The following KIF14 variants were observed in gnomAD, a reference collection of about 807,000 sequenced individuals.
KIF14 encodes kinesin family member 14, also known as kinesin-like protein KIF14.
KIF14 carries 98 observed loss-of-function variants against 176.2 expected under a neutral mutation model. The ratio of observed to expected loss-of-function variants is 0.56; its 90% CI spans 0.47 to 0.66. The LOEUF is 0.66. KIF14 is among the 30% of genes least tolerant of loss of function. KIF14 has a pLI of 0.00. For missense variants in KIF14, 1,751 were observed against 1,920.4 expected, an observed-to-expected ratio of 0.91 and a Z score of 1.65; for synonymous variants, 566 against 632.2, an observed-to-expected ratio of 0.90 and a Z score of 1.57.
chr1:200,607,483 CA>C (rs1184008251), intron 5 of KIF14, among the ~76,000 whole-genome samples: 42 of 152,280 alleles, frequency 2.8e-4, no homozygotes, highest in African/African-American at 9.6e-4. Context: ...TTAAATCTTG[CA>C]GTAGCTATGA....
chr1:200,569,051 G>C (rs181342385), intron 23 of KIF14, among the ~76,000 whole-genome samples: 1 of 150,944 alleles, frequency 6.6e-6, no homozygotes, highest in African/African-American at 2.4e-5. Flanking sequence ...TCAGCCTCTC[G>C]AGTAGCTGGG....
intron 27 of KIF14, among the ~76,000 whole-genome samples, chr1:200,558,942 A>C (rs1441840325): frequency 6.6e-6 from 1 of 152,232 alleles, no homozygotes; most frequent in Non-Finnish European, 1.5e-5. Context: ...AAAAATATTT[A>C]GTTCAAGATA....
At position 200,575,666 on chromosome 1, in the gene KIF14, T is replaced by C. The variant is rs766533044; in HGVS notation, c.3491A>G (p.Asp1164Gly). The change falls in exon 22 of 30, where the codon GAT (aspartate) becomes GGT (glycine). Residue 1164 changes from aspartate (D) to glycine (G), a missense_variant. Coordinates refer to ENST00000367350, the MANE Select transcript of KIF14 (RefSeq NM_014875.3). Reference sequence around the variant, plus strand: ...TTCATCTTCAGGATCACAAAAGGCATCTTCACCCCTGTTACTACCATTACT... The same window carrying C: ...TTCATCTTCAGGATCACAAAAGGCACCTTCACCCCTGTTACTACCATTACT... ...YESNGSNRGE[D>G]AFCDPEDEWE... 33 of 1,588,828 alleles carry C rather than the reference T, an allele frequency of 2.1e-5. No individual in the cohort carries two copies. Among genetic ancestry groups the C allele is most frequent in the Non-Finnish European group, 2.8e-5 (33 of 1,163,512 alleles).
intron 4 of KIF14, among the ~76,000 whole-genome samples, chr1:200,609,470 G>A (rs1660047246): frequency 6.6e-6 from 1 of 152,140 alleles, no homozygotes; most frequent in African/African-American, 2.4e-5. Flanking sequence ...CCAACATGGT[G>A]AAACCACACC....
chr1:200,569,265 T>C (rs1657647059), intron 23 of KIF14, among the ~76,000 whole-genome samples: 1 of 152,178 alleles, frequency 6.6e-6, no homozygotes, highest in Non-Finnish European at 1.5e-5. Context: ...TTACAGGTAG[T>C]TACACATATA....
Position 200,553,539 on chromosome 1 carries a change from T to C in KIF14, c.4796A>G (p.Gln1599Arg). ...TTGTTGGTGTTCTTCTTTGGTATTT[T>C]GATTATAAGTTTCCCAGGGTTTCAA... ...DLLKPWETYN[Q>R]NTKEEHQQSK... The change falls in exon 30 of 30, where the codon CAA becomes CGA. Residue 1599 changes from glutamine (Q) to arginine (R), a missense_variant. Gln to Arg is a conservative substitution (Grantham distance 43). Transcript: ENST00000367350. 6.2e-7 allele frequency: 1 copy of C among 1,614,128 alleles called. No individual in the cohort carries two copies. Among genetic ancestry groups the C allele is most frequent in the Non-Finnish European group, 8.5e-7 (1 of 1,180,022 alleles).
chr1:200,575,522 TACACACACAC>T (rs35571944), intron 22 of KIF14, 59 bp downstream of exon 22: 11 of 625,860 alleles, frequency 1.8e-5, no homozygotes, highest in South Asian at 1.7e-4. Flanking sequence ...ATATACAATT[TACACACACAC>T]ACACACACAC....
At chr1:200,588,251 T>TG (rs1197874112) in intron 18 of KIF14, among the ~76,000 whole-genome samples, 61 of 147,414 alleles carry the variant, frequency 4.1e-4, no homozygotes, top group African/African-American at 1.5e-3. Flanking sequence ...TTGTTTTGTT[T>TG]TTTTTTTTTT....
Position 200,618,311 on chromosome 1 carries a change from A to G in KIF14, c.413T>C (p.Ile138Thr). ...DSAEKWKTAEIDSVKMTLNVG... is the reference protein window; with the variant it reads ...DSAEKWKTAETDSVKMTLNVG... ...ATTCAGTGTCATTTTGACAGAATCT[A>G]TTTCAGCTGTTTTCCACTTTTCTGC... The change falls in exon 2 of 30, where the codon ATA (isoleucine) becomes ACA (threonine). Residue 138 changes from isoleucine to threonine, a missense_variant. Ile to Thr is a moderately conservative substitution (Grantham distance 89). Transcript: ENST00000367350. 6.2e-7 allele frequency: 1 copy of G among 1,613,856 alleles called. No homozygotes were observed. The highest frequency in any genetic ancestry group is 2.2e-5 in the East Asian group (1 of 44,882).
rs765935986 is a variant in KIF14, at chr1:200,590,118, C to G, written c.2961+7G>C. 6.3e-7 allele frequency: 1 copy of G among 1,596,690 alleles called. No homozygotes were observed. Among genetic ancestry groups the G allele is most frequent in the Non-Finnish European group, 8.5e-7 (1 of 1,176,028 alleles). ...AAAAAAAAAATAAAACTAATTCTGC[C>G]TTTTACCAGTTCTGCTTCCAGTGCT... On this transcript the variant is annotated splice_region_variant and intron_variant, in intron 17 of 29. Transcript: ENST00000367350.
chr1:200,567,292 A>G (rs1657516068), intron 23 of KIF14, among the ~76,000 whole-genome samples: 1 of 152,048 alleles, frequency 6.6e-6, no homozygotes, highest in African/African-American at 2.4e-5. Context: ...CTATAATCCC[A>G]GCATTTTGGG....
intron 16 of KIF14, 23 bp from the exon 17 acceptor site, chr1:200,590,295 T>C (rs753143251): frequency 1.1e-4 from 178 of 1,601,372 alleles, no homozygotes; most frequent in South Asian, 3.6e-4. Context: ...AAGATGTTTA[T>C]AGGGTACATG....
intron 14 of KIF14, among the ~76,000 whole-genome samples, chr1:200,594,296 G>T (rs1659210034): frequency 6.7e-6 from 1 of 148,516 alleles, no homozygotes; most frequent in South Asian, 2.1e-4. Context: ...ATCCACCTGT[G>T]GTGGGAACAT....
chr1:200,610,779 A>G (rs929990252), intron 4 of KIF14, among the ~76,000 whole-genome samples: 4 of 152,196 alleles, frequency 2.6e-5, no homozygotes, highest in Non-Finnish European at 5.9e-5. Context: ...TGAGATGACT[A>G]TAAATATGAC....
rs1659857497 is a variant in KIF14 at position 200,605,905 on chromosome 1, G to A, written c.1608-11C>T. ...GAACTGACAATGTTCCTATTTTTAA[G>A]AAGTGAAAAGACAAAATCAATTTTA... On this transcript the variant is annotated splice_polypyrimidine_tract_variant and intron_variant, in intron 6 of 29. Coordinates refer to ENST00000367350, the MANE Select transcript of KIF14 (RefSeq NM_014875.3). The A allele has an allele frequency of 2.0e-6, 3 of 1,492,296 alleles. No homozygotes were observed. The highest frequency in any genetic ancestry group is 1.4e-5 in the African/African-American group (1 of 69,296). The allele number at this position is 1,492,296 out of a possible 1,614,324, so 92.4% of individuals were successfully genotyped here.
At chr1:200,597,501 C>A (rs1659412096) in intron 14 of KIF14, among the ~76,000 whole-genome samples, 4 of 152,038 alleles carry the variant, frequency 2.6e-5, no homozygotes, top group Admixed American at 2.6e-4. Flanking sequence ...TAAAATGAAT[C>A]CATAATGATA....
In KIF14 at chr1:200,578,611, C is replaced by T. The variant is rs1295898663; in HGVS notation, c.3465+1643G>A. Reference sequence around the variant, plus strand: ...ATTAAAAGAAAATGCAGGGGTTGTACAATGTTTAAGTAAGATCTCTGGAAT... The same window carrying T: ...ATTAAAAGAAAATGCAGGGGTTGTATAATGTTTAAGTAAGATCTCTGGAAT... On this transcript the variant is annotated intron_variant, in intron 21 of 29. Coordinates refer to ENST00000367350, the MANE Select transcript of KIF14 (RefSeq NM_014875.3). 1.8e-4 allele frequency among the ~76,000 whole-genome samples: 27 copies of T among 149,130 alleles called. No individual in the cohort carries two copies. In the East Asian group the frequency reaches 4.9e-3, roughly 27 times the overall value.
chr1:200,586,230 A>G lies in KIF14; in HGVS notation c.3115-3T>C, dbSNP rs1409226533. On this transcript the variant is annotated splice_polypyrimidine_tract_variant and splice_region_variant and intron_variant, in intron 18 of 29. Transcript: ENST00000367350. ...CGGATGCTATGGTCTTCTAAAGCCT[A>G]ATTGATATTCATTCATACAGACCCA... The G allele has an allele frequency of 6.3e-7, 1 of 1,581,522 alleles. No individual in the cohort carries two copies. Among genetic ancestry groups the G allele is most frequent in the South Asian group, 1.2e-5 (1 of 86,204 alleles).
chr1:200,593,866 G>A (rs1659177678), intron 14 of KIF14, 97 bp from the exon 15 acceptor site: 1 of 653,976 alleles, frequency 1.5e-6, no homozygotes, highest in Non-Finnish European at 2.7e-6. Context: ...TATTCCTTTG[G>A]TGTTAAGATT....
Sources: allele counts gnomAD v4.1 joint callset (sites outside exome capture counted in the v4.1 genomes callset), GRCh38; gene constraint gnomAD v4.1.1; transcripts MANE v1.5; gene names NCBI Gene and HGNC (gene_info 2026-07-23, HGNC 2026-07-21).